Variants in WAPL observed in about 807,000 individuals in gnomAD.
The protein encoded by WAPL is wings apart-like protein homolog.
A neutral mutation model predicts 121.0 loss-of-function variants in WAPL; 5 were observed. The ratio of observed to expected loss-of-function variants is 0.04; its 90% CI spans 0.02 to 0.09. The LOEUF is 0.09. Ranked by LOEUF, WAPL falls within the 10% of genes least tolerant of loss-of-function variation. WAPL has a pLI of 1.00. For missense variants in WAPL, 999 were observed against 1,410.8 expected (o/e 0.71, Z 4.68); for synonymous variants, 480 against 481.5 (o/e 1.00, Z 0.04).
intron 4 of WAPL, among the ~76,000 whole-genome samples, chr10:86,491,914 T>C (rs1165598573): frequency 5.3e-5 from 8 of 152,212 alleles, no homozygotes; most frequent in Admixed American, 2.0e-4. Flanking sequence ...TCTTAGCAAA[T>C]GTCCTATATT....
chr10:86,457,225 A>G (rs1841169420), intron 12 of WAPL, among the ~76,000 whole-genome samples: 1 of 151,600 alleles, frequency 6.6e-6, no homozygotes, highest in Non-Finnish European at 1.5e-5. Context: ...CACAGTGGCT[A>G]ATGCCTGTAA....
In WAPL at chr10:86,437,337, T is replaced by A. The variant is rs1463415773; in HGVS notation, c.*206A>T. ...ACAGCCTGAACCTTTTCCCCTCATT[T>A]TTGATAGTTGCAGATTGATGTAGTA... On this transcript the variant is annotated 3_prime_UTR_variant, in exon 19 of 19. Coordinates refer to ENST00000298767, the MANE Select transcript of WAPL (RefSeq NM_015045.5). 1 of 529,512 alleles carries A rather than the reference T, an allele frequency of 1.9e-6. No individual in the cohort carries two copies. The highest frequency in any genetic ancestry group is 3.2e-5 in the East Asian group (1 of 31,034). 32.8% of individuals were successfully genotyped at this position (529,512 alleles called of 1,614,324 possible). A position where few individuals can be genotyped will look rare whatever the true frequency, so the allele number is the denominator to read the frequency against.
intron 2 of WAPL, among the ~76,000 whole-genome samples, chr10:86,504,097 C>A (rs1842297892): frequency 6.6e-6 from 1 of 152,018 alleles, no homozygotes. Context: ...TTGTTTGAAC[C>A]CAGGAGGCAG....
At chr10:86,450,062 A>G (rs1170622750) in intron 15 of WAPL, among the ~76,000 whole-genome samples, 6 of 152,198 alleles carry the variant, frequency 3.9e-5, no homozygotes, top group African/African-American at 1.2e-4. Context: ...ACTAATGTCA[A>G]TTTCTTGGTT....
chr10:86,438,063 G>C (rs1849368097), intron 17 of WAPL, 48 bp from the exon 18 acceptor site: 1 of 1,378,558 alleles, frequency 7.3e-7, no homozygotes, highest in Non-Finnish European at 1.0e-6. Flanking sequence ...GAAAACATGA[G>C]ATTGCACCTC....
Position 86,472,792 on chromosome 10 carries a change from T to C in WAPL, c.1741-28A>G, listed in dbSNP as rs373170627. ...ATTAATAAAGGTATTAAATTAGTTG[T>C]TCTAAATAAATATATAAAAATAGGA... On this transcript the variant is annotated intron_variant, in intron 5 of 18. Coordinates refer to ENST00000298767, the MANE Select transcript of WAPL (RefSeq NM_015045.5). This position sits in a 1 kb window ranked among gnomAD's most constrained non-coding sequence, Gnocchi z 4.2. 4.8e-5 allele frequency: 74 copies of C among 1,555,044 alleles called. No individual in the cohort carries two copies. Among genetic ancestry groups the C allele is most frequent in the Non-Finnish European group, 1.0e-5 (12 of 1,152,814 alleles).
rs751686176 is a variant in WAPL, at chr10:86,500,126, T to C, written c.1117A>G (p.Ile373Val). 6.2e-7 allele frequency: 1 copy of C among 1,614,206 alleles called. No individual in the cohort carries two copies. The highest frequency in any genetic ancestry group is 8.5e-7 in the Non-Finnish European group (1 of 1,180,030). Residue 373 changes from isoleucine (I) to valine (V), a missense_variant, in exon 3 of 19, where the codon ATA (isoleucine) becomes GTA (valine). Physicochemically the swap from Ile to Val is conservative, Grantham distance 29. Around this residue, in one of 7 missense-constraint regions of WAPL, gnomAD observed 531 missense variants for 563.1 expected, o/e 0.94. Transcript: ENST00000298767. Reference protein sequence around the residue: ...PSCLSVCNVTIQDTMERSMDE... With the variant: ...PSCLSVCNVTVQDTMERSMDE... ...ATGCTGCGTTCCATAGTATCCTGTA[T>C]GGTAACATTACAAACTGACAAGCAA...
At chr10:86,493,318 A>G (rs2132215306) in intron 4 of WAPL, among the ~76,000 whole-genome samples, 1 of 152,124 alleles carries the variant, frequency 6.6e-6, no homozygotes, top group East Asian at 1.9e-4. Flanking sequence ...AAATAAGACC[A>G]TATATATATT....
chr10:86,514,488 T>G lies in WAPL; in HGVS notation c.499+3083A>C, dbSNP rs73337705. Among the ~76,000 whole-genome samples the G allele has an allele frequency of 1.3e-3, 205 of 152,318 alleles. 3 individuals are homozygous for G. The highest frequency in any genetic ancestry group is 3.4e-3 in the Middle Eastern group (1 of 294). ...ATTCCCTGACCACTAAGAGACCCTT[T>G]GTGAAGGAGGAAGGAAGATGGACAA... On this transcript the variant is annotated intron_variant, in intron 2 of 18. Coordinates refer to ENST00000298767, the MANE Select transcript of WAPL (RefSeq NM_015045.5).
intron 4 of WAPL, among the ~76,000 whole-genome samples, chr10:86,492,839 G>A (rs573218985): frequency 2.6e-5 from 4 of 152,186 alleles, no homozygotes; most frequent in Non-Finnish European, 4.4e-5. Context: ...AGCAGATCAC[G>A]AGGGTCAGGA....
chr10:86,515,326 G>A (rs927620693), intron 2 of WAPL, among the ~76,000 whole-genome samples: 1 of 151,386 alleles, frequency 6.6e-6, no homozygotes, highest in African/African-American at 2.4e-5. Context: ...AATAGCATTC[G>A]CAGAGCCTTG....
chr10:86,453,947 TCTGATACCTTAAAAAA>T (rs1841068693), intron 12 of WAPL, 116 bp from the exon 13 acceptor site: 2 of 966,392 alleles, frequency 2.1e-6, no homozygotes, highest in African/African-American at 3.4e-5. Flanking sequence ...TTTGGAAAAA[TCTGATACCTTAAAAAA>T]CTTATTCAAG....
At chr10:86,484,496 A>AC (rs1841883005) in intron 4 of WAPL, among the ~76,000 whole-genome samples, 1 of 152,206 alleles carries the variant, frequency 6.6e-6, no homozygotes, top group Non-Finnish European at 1.5e-5. Flanking sequence ...TTGTCTCAAA[A>AC]CAAAAAGCAA....
intron 2 of WAPL, among the ~76,000 whole-genome samples, chr10:86,503,363 T>G (rs7070233): frequency 3.9e-5 from 6 of 152,140 alleles, no homozygotes; most frequent in African/African-American, 1.4e-4. Context: ...TGAAATACAG[T>G]TGAGGCAACT....
intron 2 of WAPL, among the ~76,000 whole-genome samples, chr10:86,501,477 G>A (rs1279595790): frequency 6.6e-6 from 1 of 151,976 alleles, no homozygotes; most frequent in Non-Finnish European, 1.5e-5. Context: ...GATTCCAACT[G>A]GTATTATTAA....
rs766676596 is a variant in WAPL, at chr10:86,467,523, A to C, written c.2143-17T>G. On this transcript the variant is annotated splice_polypyrimidine_tract_variant and intron_variant, in intron 8 of 18. Transcript: ENST00000298767. ...GGACAGATTCTTCAACAGGCCAAAA[A>C]AAGAAAAGAAAAAAAACTTCATGTA... 4 of 1,575,116 alleles carry C rather than the reference A, an allele frequency of 2.5e-6. No individual in the cohort carries two copies. Among genetic ancestry groups the C allele is most frequent in the Non-Finnish European group, 3.4e-6 (4 of 1,163,800 alleles).
intron 15 of WAPL, among the ~76,000 whole-genome samples, chr10:86,447,048 A>G (rs1360222482): frequency 6.6e-6 from 1 of 152,246 alleles, no homozygotes; most frequent in Admixed American, 6.5e-5. Context: ...ATCCCTACGG[A>G]TCCTTAAGAC....
intron 2 of WAPL, among the ~76,000 whole-genome samples, chr10:86,508,519 C>T (rs1288642710): frequency 6.6e-6 from 1 of 152,126 alleles, no homozygotes; most frequent in Non-Finnish European, 1.5e-5. Context: ...TTGTTACCCC[C>T]CATTTCCTCA....
At position 86,440,882 on chromosome 10, in the gene WAPL, G is replaced by GGAAA. The variant is rs1554825372; in HGVS notation, c.3411+2392_3411+2393insTTTC. Among the ~76,000 whole-genome samples, 379 of 130,514 alleles carry GGAAA rather than the reference G, an allele frequency of 2.9e-3. 3 individuals carry two copies. The highest frequency in any genetic ancestry group is 4.8e-3 in the Non-Finnish European group (303 of 63,390). The allele number at this position is 130,514 out of a possible 152,430, so 85.6% of individuals were successfully genotyped here. ...CACACAGGACTTAGATACACAAAGT[G>GGAAA]AAAAAAAAAAAAAAAGGCAATACAA... On this transcript the variant is annotated intron_variant, in intron 17 of 18. Coordinates refer to ENST00000298767, the MANE Select transcript of WAPL (RefSeq NM_015045.5).
Sources: allele counts gnomAD v4.1 joint callset (sites outside exome capture counted in the v4.1 genomes callset), GRCh38; gene constraint gnomAD v4.1.1; regional missense constraint gnomAD v4.1.1; non-coding constraint Gnocchi (gnomAD v3.1); transcripts MANE v1.5; gene names NCBI Gene and HGNC (gene_info 2026-07-23, HGNC 2026-07-21).